Variants in CARS2 observed in about 807,000 individuals in gnomAD.
CARS2 encodes the protein probable cysteine--tRNA ligase, mitochondrial.
Under a neutral mutation model 68.8 loss-of-function variants are expected in CARS2, and 52 were observed. That is an observed-to-expected ratio of 0.76 (90% confidence interval 0.61 to 0.95). The LOEUF (loss-of-function observed/expected upper bound fraction) is 0.95, where lower values mean the gene tolerates loss of function less well. Among genes scored for constraint, CARS2 ranks in the 40% least tolerant of loss-of-function variants. The pLI, the probability that CARS2 is intolerant of heterozygous loss-of-function variation, is 0.00. For synonymous variants in CARS2, 314 were observed against 303.6 expected, an observed-to-expected ratio of 1.03 and a Z score of -0.36; for missense variants, 780 against 754.2, an observed-to-expected ratio of 1.03 and a Z score of -0.40.
intron 3 of CARS2, among the ~76,000 whole-genome samples, chr13:110,698,798 G>A (rs2063698912): frequency 6.6e-6 from 1 of 152,078 alleles, no homozygotes; most frequent in African/African-American, 2.4e-5. Flanking sequence ...GAGCTCAGGA[G>A]TTTGAGACCA....
At chr13:110,686,624 T>A (rs2063311810) in intron 5 of CARS2, among the ~76,000 whole-genome samples, 1 of 151,602 alleles carries the variant, frequency 6.6e-6, no homozygotes, top group African/African-American at 2.4e-5. Context: ...TGGTGTGATC[T>A]CGGCTCACTG....
At chr13:110,681,582 T>C (rs985175438) in intron 6 of CARS2, among the ~76,000 whole-genome samples, 1 of 152,188 alleles carries the variant, frequency 6.6e-6, no homozygotes, top group African/African-American at 2.4e-5. Context: ...GGACCCAGCA[T>C]TGTGCTCCTT....
Position 110,703,087 on chromosome 13 carries a change from C to A in CARS2, c.276-1532G>T, listed in dbSNP as rs201509268. On this transcript the variant is annotated intron_variant, in intron 2 of 14. Coordinates refer to ENST00000257347, the MANE Select transcript of CARS2 (RefSeq NM_024537.4). ...CCCATCCCTTCCCCTGCTCCTCCCC[C>A]CTAGCACCAAACTGATCTATTTGTT... Among the ~76,000 whole-genome samples the A allele has an allele frequency of 1.4e-4, 22 of 152,296 alleles. No homozygotes were observed. The East Asian group carries it at 1.7e-3, about 12-fold the overall frequency.
chr13:110,667,026 G>C (rs1016140108), intron 8 of CARS2: 2 of 852,238 alleles, frequency 2.3e-6, no homozygotes, highest in African/African-American at 3.7e-5. Context: ...GCTTCAGAAA[G>C]GATGTTCATA....
At chr13:110,664,077 A>G in intron 8 of CARS2, 10 of 983,040 alleles carry the variant, frequency 1.0e-5, no homozygotes, top group Non-Finnish European at 1.1e-5. Flanking sequence ...AGGAAAACCA[A>G]ACTCATTTAA....
chr13:110,698,336 G>A lies in CARS2; in HGVS notation c.393+3102C>T, dbSNP rs547796641. Among the ~76,000 whole-genome samples, 1,016 of 150,446 alleles carry A rather than the reference G, an allele frequency of 6.8e-3. 9 individuals carry two copies. The highest frequency in any genetic ancestry group is 0.016 in the South Asian group (74 of 4,734). On this transcript the variant is annotated intron_variant, in intron 3 of 14. Transcript: ENST00000257347. ...GGAGTTCGAGACCAGCCTGGCCAAC[G>A]TGGTGAAACCCCGTCTCTACTAAAA...
chr13:110,664,588 T>A (rs2062596766), intron 8 of CARS2: 1 of 967,566 alleles, frequency 1.0e-6, no homozygotes, highest in Non-Finnish European at 1.2e-6. Context: ...TATATAACTT[T>A]GAACATGTAA....
At chr13:110,660,841 A>C (rs2062484420) in intron 9 of CARS2, among the ~76,000 whole-genome samples, 1 of 147,340 alleles carries the variant, frequency 6.8e-6, no homozygotes, top group Admixed American at 7.0e-5. Flanking sequence ...AGCTCACTGC[A>C]ACCTCCGCCT....
chr13:110,658,232 T>G (rs993585467), intron 9 of CARS2, among the ~76,000 whole-genome samples: 1 of 152,142 alleles, frequency 6.6e-6, no homozygotes, highest in African/African-American at 2.4e-5. Flanking sequence ...GGAGCACAGG[T>G]GAATCTTGAG....
chr13:110,665,220 C>G lies in CARS2; in HGVS notation c.920-1702G>C, dbSNP rs1315375400. On this transcript the variant is annotated intron_variant, in intron 8 of 14. Transcript: ENST00000257347. This position sits in a 1 kb window ranked among gnomAD's most constrained non-coding sequence, Gnocchi z 4.3. ...CCAGCACTTTGGGAGGCAGAGGTGG[C>G]AGATCACTTGAGGTCAGGGGTTTGA... The G allele has an allele frequency of 6.4e-6, 6 of 930,888 alleles. No individual in the cohort carries two copies. Among genetic ancestry groups the G allele is most frequent in the Middle Eastern group, 5.5e-4 (1 of 1,826 alleles). 57.7% of individuals were successfully genotyped at this position (930,888 alleles called of 1,614,324 possible).
At chr13:110,692,222 C>A (rs1003909424) in intron 3 of CARS2, among the ~76,000 whole-genome samples, 6 of 151,718 alleles carry the variant, frequency 4.0e-5, no homozygotes, top group Non-Finnish European at 7.4e-5. Flanking sequence ...GTAATCCCAG[C>A]ACTTTGGGAG....
chr13:110,643,197 GGGCCTTGC>G (rs1287750485), intron 13 of CARS2: 2 of 180,762 alleles, frequency 1.1e-5, no homozygotes, highest in Non-Finnish European at 2.4e-5. Context: ...CCCAGACATT[GGGCCTTGC>G]GGCCAGAGGA....
chr13:110,690,866 T>A (rs2063439448), intron 3 of CARS2, among the ~76,000 whole-genome samples: 1 of 152,254 alleles, frequency 6.6e-6, no homozygotes, highest in Non-Finnish European at 1.5e-5. Flanking sequence ...AGCTGACAAG[T>A]GCTTTGCTCT....
At chr13:110,672,156 T>C (rs1231123228) in intron 7 of CARS2, among the ~76,000 whole-genome samples, 3 of 152,060 alleles carry the variant, frequency 2.0e-5, no homozygotes, top group Non-Finnish European at 4.4e-5. Flanking sequence ...GACAGATCAA[T>C]GAGACAGAAA....
Position 110,647,235 on chromosome 13 carries a change from G to T in CARS2, c.1059C>A (p.Ile353=), listed in dbSNP as rs200079151. 6.2e-7 allele frequency: 1 copy of T among 1,612,226 alleles called. No homozygotes were observed. Among genetic ancestry groups the T allele is most frequent in the Non-Finnish European group, 8.5e-7 (1 of 1,179,198 alleles). The stretch of plus-strand genomic sequence containing the variant: ...GGAGCATGGCGCTGTCACTGTAGTC[G>T]ATGGCTGAGGAGGAAGAGATGGTCA... ...FCLRSSYRSA[I]DYSDSAMLQA... Residue 353 remains isoleucine, a synonymous_variant, in exon 11 of 15, where the codon ATC becomes ATA. Transcript: ENST00000257347.
intron 7 of CARS2, among the ~76,000 whole-genome samples, chr13:110,669,272 C>G (rs2062736196): frequency 6.6e-6 from 1 of 152,144 alleles, no homozygotes; most frequent in Admixed American, 6.5e-5. Flanking sequence ...TGGGGCGACC[C>G]TACTCGGCGC....
rs562351913 is a variant in CARS2 at position 110,695,631 on chromosome 13, T to C, written c.393+5807A>G. Among the ~76,000 whole-genome samples, 3 of 152,290 alleles carry C rather than the reference T, an allele frequency of 2.0e-5. No homozygotes were observed. The East Asian group carries it at 5.8e-4, about 29-fold the overall frequency. ...CCTTGAGGAATTATGCACCATTTAA[T>C]GCTGTAAATGTACTTAATGCCACTG... On this transcript the variant is annotated intron_variant, in intron 3 of 14. Transcript: ENST00000257347.
intron 3 of CARS2, among the ~76,000 whole-genome samples, chr13:110,699,671 G>A (rs978424081): frequency 3.3e-5 from 5 of 152,240 alleles, no homozygotes; most frequent in Admixed American, 2.6e-4. Context: ...ATTAGAGGAA[G>A]CACCCGCAAT....
chr13:110,665,519 C>T lies in CARS2; in HGVS notation c.919+1821G>A, dbSNP rs2062624685. On this transcript the variant is annotated intron_variant, in intron 8 of 14. Transcript: ENST00000257347. The surrounding 1 kb of genome is among the most constrained non-coding windows in gnomAD (Gnocchi z 4.3). ...ACCTCCGTTTCTAGACCCGGCCCCT[C>T]CTCATTACCTGACAGGACGAAGCGT... 1.0e-6 allele frequency: 1 copy of T among 985,380 alleles called. No individual in the cohort carries two copies. Among genetic ancestry groups the T allele is most frequent in the African/African-American group, 1.7e-5 (1 of 57,240 alleles). The allele number at this position is 985,380 out of a possible 1,614,324, so 61.0% of individuals were successfully genotyped here.
Sources: allele counts gnomAD v4.1 joint callset (sites outside exome capture counted in the v4.1 genomes callset), GRCh38; gene constraint gnomAD v4.1.1; non-coding constraint Gnocchi (gnomAD v3.1); transcripts MANE v1.5; gene names NCBI Gene and HGNC (gene_info 2026-07-23, HGNC 2026-07-21).